The following MORC1 variants were observed in gnomAD, a reference collection of about 807,000 sequenced individuals.
MORC1 encodes MORC family CW-type zinc finger protein 1.
A neutral mutation model predicts 134.9 loss-of-function variants in MORC1; 59 were observed. That is an observed-to-expected ratio of 0.44 (90% CI 0.35 to 0.54). The LOEUF (loss-of-function observed/expected upper bound fraction) is 0.54. Among genes scored for constraint, MORC1 ranks in the 20% least tolerant of loss-of-function variants. MORC1 has a pLI of 0.00. For synonymous variants in MORC1, 395 were observed against 391.7 expected (o/e 1.01, Z -0.10); for missense variants, 947 against 1,134.5 (o/e 0.83, Z 2.37).
At chr3:109,061,155 A>G (rs1323199841) in intron 11 of MORC1, among the ~76,000 whole-genome samples, 1 of 152,164 alleles carries the variant, frequency 6.6e-6, no homozygotes, top group Non-Finnish European at 1.5e-5. Flanking sequence ...AAATGGCAAA[A>G]TCACTGAAAG....
intron 9 of MORC1, among the ~76,000 whole-genome samples, chr3:109,066,898 ATT>A (rs1559932634): frequency 2.0e-5 from 3 of 152,168 alleles, no homozygotes; most frequent in Non-Finnish European, 4.4e-5. Context: ...GCTAATCCAC[ATT>A]TCGCTTCCAA....
chr3:109,054,869 C>T lies in MORC1; in HGVS notation c.1189G>A (p.Val397Met), dbSNP rs761618653. 6.9e-6 allele frequency: 11 copies of T among 1,596,518 alleles called. No individual in the cohort carries two copies. The highest frequency in any genetic ancestry group is 2.2e-5 in the East Asian group (1 of 44,736). Residue 397 changes from valine (V) to methionine (M), a missense_variant, in exon 14 of 28, where the codon GTG (valine) becomes ATG (methionine). This residue lies in a region of MORC1 where 722 missense variants were observed against 817.0 expected (regional missense o/e 0.88). Coordinates refer to ENST00000232603, the MANE Select transcript of MORC1 (RefSeq NM_014429.4). ...LKLKSLLGAG[V>M]VGIVNIPLEV... The stretch of plus-strand genomic sequence containing the variant: ...AAGGGTATATTAACAATTCCAACCA[C>T]GCCTGCGCCAAGTCTGAGAAAATAT...
At chr3:108,973,745 C>G (rs376907420) in intron 24 of MORC1, among the ~76,000 whole-genome samples, 10 of 151,480 alleles carry the variant, frequency 6.6e-5, no homozygotes, top group African/African-American at 2.4e-4. Flanking sequence ...TACAGGCGCA[C>G]GCCACCACAC....
intron 21 of MORC1, among the ~76,000 whole-genome samples, chr3:108,993,479 G>A (rs1948121415): frequency 6.6e-6 from 1 of 152,126 alleles, no homozygotes; most frequent in African/African-American, 2.4e-5. Flanking sequence ...AGCCCTTAGG[G>A]CAGCTCTGGT....
intron 27 of MORC1, among the ~76,000 whole-genome samples, chr3:108,962,741 T>A (rs1947113906): frequency 6.6e-6 from 1 of 152,148 alleles, no homozygotes; most frequent in Non-Finnish European, 1.5e-5. Context: ...ATGCAACATT[T>A]CCATGTGCTA....
At chr3:109,004,124 A>C (rs1948480396) in intron 20 of MORC1, among the ~76,000 whole-genome samples, 1 of 152,164 alleles carries the variant, frequency 6.6e-6, no homozygotes, top group Non-Finnish European at 1.5e-5. Flanking sequence ...AAGACCATGC[A>C]TAAAATATCT....
intron 20 of MORC1, among the ~76,000 whole-genome samples, chr3:109,002,479 G>A (rs7639762): frequency 0.031 from 4,761 of 152,212 alleles, 230 homozygotes; most frequent in African/African-American, 0.11. Flanking sequence ...GGTTGACCAA[G>A]GTTTCATGTG....
chr3:109,100,707 C>T (rs1186499050), intron 4 of MORC1, among the ~76,000 whole-genome samples, 200 bp from the exon 5 acceptor site: 1 of 152,212 alleles, frequency 6.6e-6, no homozygotes, highest in Admixed American at 6.5e-5. Context: ...CAAGGTACGG[C>T]AGGCTCCACA....
rs185866922 is a variant in MORC1, at chr3:108,988,654, T to C, written c.2188-1705A>G. On this transcript the variant is annotated intron_variant, in intron 21 of 27. Transcript: ENST00000232603. Reference sequence around the variant, plus strand: ...TATGAGAGGAACTATTTAATGTCTTTTCCTATAAGCACTTTGTTATAATCC... The same window carrying C: ...TATGAGAGGAACTATTTAATGTCTTCTCCTATAAGCACTTTGTTATAATCC... 3.9e-5 allele frequency among the ~76,000 whole-genome samples: 6 copies of C among 152,234 alleles called. No individual in the cohort carries two copies. In the East Asian group the frequency reaches 9.6e-4, roughly 24 times the overall value.
intron 14 of MORC1, among the ~76,000 whole-genome samples, chr3:109,047,381 G>A (rs1238674452): frequency 2.0e-5 from 3 of 152,010 alleles, no homozygotes; most frequent in Non-Finnish European, 4.4e-5. Flanking sequence ...TTTGCAATAC[G>A]GCTGAGATCC....
chr3:109,118,016 A>G lies in MORC1; in HGVS notation c.44T>C (p.Leu15Pro). 1 of 1,608,746 alleles carries G rather than the reference A, an allele frequency of 6.2e-7. No individual in the cohort carries two copies. Among genetic ancestry groups the G allele is most frequent in the Non-Finnish European group, 8.5e-7 (1 of 1,177,950 alleles). ...TCACGAGTTGGCGTGGATGAAATCCAGACGCAGCTGGGCCCGCTGAAGCGC... is the reference window on the plus strand; with the variant it reads ...TCACGAGTTGGCGTGGATGAAATCCGGACGCAGCTGGGCCCGCTGAAGCGC... ...YPALQRAQLR[L>P]DFIHANSTTH... Residue 15 changes from leucine to proline, a missense_variant, in exon 1 of 28, where the codon CTG becomes CCG. This residue lies in a region of MORC1 where 214 missense variants were observed against 281.3 expected (regional missense o/e 0.76). Coordinates refer to ENST00000232603, the MANE Select transcript of MORC1 (RefSeq NM_014429.4).
At chr3:108,997,388 TG>T (rs1191608205) in intron 21 of MORC1, among the ~76,000 whole-genome samples, 1 of 151,788 alleles carries the variant, frequency 6.6e-6, no homozygotes, top group Admixed American at 6.6e-5. Context: ...AAAAATTAGC[TG>T]GATGTGGTGG....
At chr3:109,049,752 C>T (rs541888362) in intron 14 of MORC1, among the ~76,000 whole-genome samples, 3 of 152,026 alleles carry the variant, frequency 2.0e-5, no homozygotes, top group South Asian at 2.1e-4. Flanking sequence ...AATGTGTTTA[C>T]GGAGAGTTCA....
chr3:109,030,242 A>G (rs1949209758), intron 16 of MORC1, among the ~76,000 whole-genome samples: 1 of 152,206 alleles, frequency 6.6e-6, no homozygotes, highest in African/African-American at 2.4e-5. Flanking sequence ...CATCACTTTA[A>G]TACACTTATT....
chr3:108,971,404 T>C lies in MORC1; in HGVS notation c.2478-2A>G. The C allele has an allele frequency of 1.2e-6, 2 of 1,610,418 alleles. No individual in the cohort carries two copies. Among genetic ancestry groups the C allele is most frequent in the Non-Finnish European group, 1.7e-6 (2 of 1,176,914 alleles). On this transcript the variant is annotated splice_acceptor_variant, in intron 24 of 27. Coordinates refer to ENST00000232603, the MANE Select transcript of MORC1 (RefSeq NM_014429.4). LOFTEE classifies it high-confidence loss of function. ...GGAAAAAAATACAGAAGAATCTCCC[T>C]AGGAATACAAGCACAGCAGATATGG... is the stretch of plus-strand genomic sequence containing the variant.
At chr3:109,019,035 C>T (rs950476061) in intron 17 of MORC1, 3 of 152,198 alleles carry the variant, frequency 2.0e-5, no homozygotes, top group African/African-American at 7.2e-5. Flanking sequence ...GCTGCGCCTC[C>T]TCGTGGTTTC....
In MORC1 at chr3:109,000,673, TAAC is replaced by T; in HGVS notation, c.2086-18_2086-16del. 6.3e-7 allele frequency: 1 copy of T among 1,586,916 alleles called. No individual in the cohort carries two copies. The highest frequency in any genetic ancestry group is 8.6e-7 in the Non-Finnish European group (1 of 1,162,864). On this transcript the variant is annotated splice_polypyrimidine_tract_variant and intron_variant, in intron 20 of 27. Coordinates refer to ENST00000232603, the MANE Select transcript of MORC1 (RefSeq NM_014429.4). The stretch of plus-strand genomic sequence containing the variant: ...CAAGAAGCGGCCTATAACAAGGAAT[TAAC>T]AAAAAAAATACAAGGATTAGTGGCA...
chr3:109,091,655 T>C (rs938841653), intron 8 of MORC1, among the ~76,000 whole-genome samples: 5 of 152,048 alleles, frequency 3.3e-5, no homozygotes, highest in Non-Finnish European at 7.4e-5. Flanking sequence ...ACAGTACTCG[T>C]GTCAGAGGCC....
At chr3:109,085,928 C>G (rs1424945132) in intron 8 of MORC1, among the ~76,000 whole-genome samples, 1 of 152,066 alleles carries the variant, frequency 6.6e-6, no homozygotes, top group African/African-American at 2.4e-5. Context: ...AGTATGAAAT[C>G]CTGTCACTGT....
Sources: allele counts gnomAD v4.1 joint callset (sites outside exome capture counted in the v4.1 genomes callset), GRCh38; gene constraint gnomAD v4.1.1; regional missense constraint gnomAD v4.1.1; transcripts MANE v1.5; gene names NCBI Gene and HGNC (gene_info 2026-07-23, HGNC 2026-07-21).